The following HIF1AN variants were observed in gnomAD, a reference collection of about 807,000 sequenced individuals.
The protein encoded by HIF1AN is hypoxia inducible factor 1 subunit alpha inhibitor.
A neutral mutation model predicts 47.7 loss-of-function variants in HIF1AN; 21 were observed. The ratio of observed to expected loss-of-function variants is 0.44; its 90% CI spans 0.31 to 0.63. HIF1AN has a LOEUF of 0.63. Ranked by LOEUF, HIF1AN falls within the 30% of genes least tolerant of loss-of-function variation. The probability of loss-of-function intolerance (pLI) is 0.07; values close to 1 mark genes in which losing one functional copy is unlikely to be tolerated. For synonymous variants in HIF1AN, 152 were observed against 155.9 expected (o/e 0.98, Z 0.18); for missense variants, 320 against 432.7 (o/e 0.74, Z 2.31).
chr10:100,552,104 C>T lies in HIF1AN; in HGVS notation c.*3967C>T, dbSNP rs1184163946. 6.6e-6 allele frequency: 1 copy of T among 152,268 alleles called. No individual in the cohort carries two copies. Among genetic ancestry groups the T allele is most frequent in the East Asian group, 1.9e-4 (1 of 5,202 alleles). 9.4% of individuals were successfully genotyped at this position (152,268 alleles called of 1,614,324 possible). On this transcript the variant is annotated 3_prime_UTR_variant, in exon 8 of 8. Coordinates refer to ENST00000299163, the MANE Select transcript of HIF1AN (RefSeq NM_017902.3). ...GAGTCTTCAGGTGTGGAGCAGCCCA[C>T]CTTGGCTCTTCCCATGTCTCTGTGT...
rs1843210587 is a variant in HIF1AN at position 100,555,883 on chromosome 10, A to C, written c.*7746A>C. 6.6e-6 allele frequency: 1 copy of C among 152,218 alleles called. No individual in the cohort carries two copies. The highest frequency in any genetic ancestry group is 1.5e-5 in the Non-Finnish European group (1 of 68,042). The allele number at this position is 152,218 out of a possible 1,614,324, so 9.4% of individuals were successfully genotyped here. A position where few individuals can be genotyped will look rare whatever the true frequency, so the allele number is the denominator to read the frequency against. On this transcript the variant is annotated 3_prime_UTR_variant, in exon 8 of 8. Coordinates refer to ENST00000299163, the MANE Select transcript of HIF1AN (RefSeq NM_017902.3). ...ATTACCTCTTGAATATATATAGTGC[A>C]ATATAGTGTAGTGGTTGAGAGTGGA...
chr10:100,556,248 T>G lies in HIF1AN; in HGVS notation c.*8111T>G, dbSNP rs1843213888. The G allele has an allele frequency of 6.6e-6, 1 of 152,210 alleles. No individual in the cohort carries two copies. Among genetic ancestry groups the G allele is most frequent in the African/African-American group, 2.4e-5 (1 of 41,444 alleles). 9.4% of individuals were successfully genotyped at this position (152,210 alleles called of 1,614,324 possible). On this transcript the variant is annotated 3_prime_UTR_variant, in exon 8 of 8. Coordinates refer to ENST00000299163, the MANE Select transcript of HIF1AN (RefSeq NM_017902.3). The stretch of plus-strand genomic sequence containing the variant: ...TGATGCTTACAAGGATACTATCACC[T>G]ATGCCATCAGTGGGGAATGACCTTC...
At chr10:100,546,107 A>T (rs919322952) in intron 5 of HIF1AN, 58 bp downstream of exon 5, 2 of 1,184,726 alleles carry the variant, frequency 1.7e-6, no homozygotes, top group Non-Finnish European at 1.3e-6. Context: ...ATTCCCTGGA[A>T]AGCCTTGTCT....
intron 6 of HIF1AN, 97 bp downstream of exon 6, chr10:100,546,678 C>T (rs1427546724): frequency 5.6e-6 from 5 of 887,642 alleles, no homozygotes; most frequent in Non-Finnish European, 9.3e-6. Context: ...GTTGACTATC[C>T]CTGGAAGTGA....
rs1435363787 is a variant in HIF1AN, at chr10:100,553,343, G to C, written c.*5206G>C. 6.6e-6 allele frequency: 1 copy of C among 152,228 alleles called. No individual in the cohort carries two copies. Among genetic ancestry groups the C allele is most frequent in the Non-Finnish European group, 1.5e-5 (1 of 68,070 alleles). 9.4% of individuals were successfully genotyped at this position (152,228 alleles called of 1,614,324 possible). A position where few individuals can be genotyped will look rare whatever the true frequency, so the allele number is the denominator to read the frequency against. ...TTTGAGTGTCTCCTAATTTCTCTGAGGTGTCTTTGGCTCTGTGTCACCAAA... is the reference window on the plus strand; with the variant it reads ...TTTGAGTGTCTCCTAATTTCTCTGACGTGTCTTTGGCTCTGTGTCACCAAA... On this transcript the variant is annotated 3_prime_UTR_variant, in exon 8 of 8. Coordinates refer to ENST00000299163, the MANE Select transcript of HIF1AN (RefSeq NM_017902.3).
Position 100,535,989 on chromosome 10 carries a change from T to C in HIF1AN, c.31T>C (p.Ser11Pro). 1 of 1,558,074 alleles carries C rather than the reference T, an allele frequency of 6.4e-7. No homozygotes were observed. Among genetic ancestry groups the C allele is most frequent in the Non-Finnish European group, 8.7e-7 (1 of 1,152,716 alleles). Residue 11 changes from serine to proline, a missense_variant, in exon 1 of 8, where the codon TCT becomes CCT. Ser to Pro is a moderately conservative substitution (Grantham distance 74, BLOSUM62 -1). Around this residue, in one of 2 missense-constraint regions of HIF1AN, gnomAD observed 159 missense variants for 159.9 expected, o/e 0.99. Transcript: ENST00000299163. ...GGCGACAGCGGCGGAGGCTGTGGCC[T>C]CTGGCTCTGGAGAGCCCCGGGAGGA... MAATAAEAVA[S>P]GSGEPREEAG... is the part of the protein sequence containing the mutation.
chr10:100,546,319 C>T (rs971393402), intron 5 of HIF1AN, among the ~76,000 whole-genome samples, 199 bp from the exon 6 acceptor site: 4 of 152,158 alleles, frequency 2.6e-5, no homozygotes, highest in South Asian at 2.1e-4. Flanking sequence ...TTTGGTATTT[C>T]GAGACTGAAC....
In HIF1AN at chr10:100,546,576, T is replaced by C. The variant is rs138370363; in HGVS notation, c.889T>C (p.Tyr297His). The change falls in exon 6 of 8, where the codon TAT (tyrosine) becomes CAT (histidine). Residue 297 changes from tyrosine (Y) to histidine (H), a missense_variant. This residue lies in a region of HIF1AN where 161 missense variants were observed against 272.8 expected (regional missense o/e 0.59). Transcript: ENST00000299163. Reference protein sequence around the residue: ...GGITITVNFWYKGAPTPKRIE... With the variant: ...GGITITVNFWHKGAPTPKRIE... Reference sequence around the variant, plus strand: ...GATTACCATCACTGTGAACTTCTGGTATAAGGTGAATATGGTTTGCTTTTT... The same window carrying C: ...GATTACCATCACTGTGAACTTCTGGCATAAGGTGAATATGGTTTGCTTTTT... 17 of 1,613,232 alleles carry C rather than the reference T, an allele frequency of 1.1e-5. No homozygotes were observed. The highest frequency in any genetic ancestry group is 1.4e-5 in the Non-Finnish European group (16 of 1,179,538).
rs900824298 is a variant in HIF1AN, at chr10:100,553,957, G to C, written c.*5820G>C. Reference sequence around the variant, plus strand: ...ATTTATTCAGAAACTTGGTTTCAGTGATCTCTAAACAGATTTCCAGTGGTT... The same window carrying C: ...ATTTATTCAGAAACTTGGTTTCAGTCATCTCTAAACAGATTTCCAGTGGTT... On this transcript the variant is annotated 3_prime_UTR_variant, in exon 8 of 8. Transcript: ENST00000299163. 13 of 152,202 alleles carry C rather than the reference G, an allele frequency of 8.5e-5. No individual in the cohort carries two copies. The highest frequency in any genetic ancestry group is 5.2e-4 in the Admixed American group (8 of 15,282). 9.4% of individuals were successfully genotyped at this position (152,202 alleles called of 1,614,324 possible). A position where few individuals can be genotyped will look rare whatever the true frequency, so the allele number is the denominator to read the frequency against.
intron 2 of HIF1AN, among the ~76,000 whole-genome samples, chr10:100,539,597 A>G (rs1460515360): frequency 1.3e-5 from 2 of 152,224 alleles, no homozygotes; most frequent in African/African-American, 4.8e-5. Context: ...TTGCTCTGGC[A>G]CCCAGATTGC....
At chr10:100,546,404 G>A (rs1420758137) in intron 5 of HIF1AN, 114 bp from the exon 6 acceptor site, 15 of 773,006 alleles carry the variant, frequency 1.9e-5, no homozygotes, top group Non-Finnish European at 3.4e-5. Context: ...ACTATTTTCC[G>A]TAACTGGACT....
rs185330522 is a variant in HIF1AN, at chr10:100,557,029, T to C, written c.*8892T>C. Reference sequence around the variant, plus strand: ...GATGACTGGGGCAGGAAAAGCAAGATGGAAAAGATAAAGTTGTGGAAGGGA... The same window carrying C: ...GATGACTGGGGCAGGAAAAGCAAGACGGAAAAGATAAAGTTGTGGAAGGGA... On this transcript the variant is annotated 3_prime_UTR_variant, in exon 8 of 8. Coordinates refer to ENST00000299163, the MANE Select transcript of HIF1AN (RefSeq NM_017902.3). 9.2e-5 allele frequency: 14 copies of C among 152,182 alleles called. No individual in the cohort carries two copies. Among genetic ancestry groups the C allele is most frequent in the Admixed American group, 7.9e-4 (12 of 15,284 alleles). 9.4% of individuals were successfully genotyped at this position (152,182 alleles called of 1,614,324 possible). A position where few individuals can be genotyped will look rare whatever the true frequency, so the allele number is the denominator to read the frequency against.
chr10:100,550,296 G>A lies in HIF1AN; in HGVS notation c.*2159G>A. On this transcript the variant is annotated 3_prime_UTR_variant, in exon 8 of 8. Transcript: ENST00000299163. ...TTCACAGGATTGGCCTTGATCCTTG[G>A]GTAACACAAGAGTGATTCCTGATTT... is the stretch of plus-strand genomic sequence containing the variant. 6.6e-6 allele frequency: 1 copy of A among 152,260 alleles called. No homozygotes were observed. The highest frequency in any genetic ancestry group is 1.9e-4 in the East Asian group (1 of 5,178). 9.4% of individuals were successfully genotyped at this position (152,260 alleles called of 1,614,324 possible).
At chr10:100,542,842 ATGTGTTTT>A (rs1564662685) in intron 3 of HIF1AN, among the ~76,000 whole-genome samples, 1 of 112,802 alleles carries the variant, frequency 8.9e-6, no homozygotes, top group Non-Finnish European at 1.7e-5. Context: ...AAATATGTGA[ATGTGTTTT>A]TTTTTTTTTT....
At chr10:100,543,733 G>A (rs978526862) in intron 3 of HIF1AN, among the ~76,000 whole-genome samples, 6 of 152,116 alleles carry the variant, frequency 3.9e-5, no homozygotes, top group Non-Finnish European at 8.8e-5. Context: ...CACCACGCCC[G>A]GCTAATTGTT....
intron 2 of HIF1AN, among the ~76,000 whole-genome samples, chr10:100,538,628 G>A (rs542782149): frequency 4.0e-5 from 6 of 151,768 alleles, no homozygotes; most frequent in African/African-American, 7.3e-5. Context: ...CGAGACCAGC[G>A]TGGCTAACGT....
In HIF1AN at chr10:100,536,608, T is replaced by C; in HGVS notation, c.375T>C (p.Phe125=). 1 of 1,614,190 alleles carries C rather than the reference T, an allele frequency of 6.2e-7. No homozygotes were observed. The highest frequency in any genetic ancestry group is 8.5e-7 in the Non-Finnish European group (1 of 1,180,022). The change falls in exon 2 of 8, where the codon TTT becomes TTC. Residue 125 remains phenylalanine, a synonymous_variant. Transcript: ENST00000299163. The part of the protein sequence containing the change: ...KPRSNREEMK[F]HEFVEKLQDI... Reference sequence around the variant, plus strand: ...GGTCCAACAGGGAAGAAATGAAATTTCATGAGTTCGTTGAGAAACTGCAGG... The same window carrying C: ...GGTCCAACAGGGAAGAAATGAAATTCCATGAGTTCGTTGAGAAACTGCAGG...
At chr10:100,546,670 T>C in intron 6 of HIF1AN, 89 bp downstream of exon 6, 13 of 936,176 alleles carry the variant, frequency 1.4e-5, no homozygotes, top group East Asian at 2.4e-5. Flanking sequence ...ATGGGATGGT[T>C]GACTATCCCT....
In HIF1AN at chr10:100,550,557, C is replaced by T. The variant is rs1198315604; in HGVS notation, c.*2420C>T. On this transcript the variant is annotated 3_prime_UTR_variant, in exon 8 of 8. Transcript: ENST00000299163. ...ACCACAGGTTCTGTCCTCAAGATAT[C>T]ACCCCACTGGGCAGTATCTGAAGGC... 1 of 152,224 alleles carries T rather than the reference C, an allele frequency of 6.6e-6. No individual in the cohort carries two copies. Among genetic ancestry groups the T allele is most frequent in the Non-Finnish European group, 1.5e-5 (1 of 68,064 alleles). The allele number at this position is 152,224 out of a possible 1,614,324, so 9.4% of individuals were successfully genotyped here.
Sources: allele counts gnomAD v4.1 joint callset (sites outside exome capture counted in the v4.1 genomes callset), GRCh38; gene constraint gnomAD v4.1.1; regional missense constraint gnomAD v4.1.1; transcripts MANE v1.5; gene names NCBI Gene and HGNC (gene_info 2026-07-23, HGNC 2026-07-21).